The following GAB1 variants were observed in gnomAD, a reference collection of about 807,000 sequenced individuals.
The protein encoded by GAB1 is GRB2-associated-binding protein 1.
GAB1 carries 19 observed loss-of-function variants against 66.5 expected under a neutral mutation model. That is an observed-to-expected ratio of 0.29 (90% CI 0.20 to 0.42). The LOEUF is 0.42. GAB1 is among the 10% of genes least tolerant of loss of function. The pLI is 1.00. For missense variants in GAB1, 732 were observed against 858.5 expected (o/e 0.85, Z 1.84); for synonymous variants, 294 against 301.4 (o/e 0.98, Z 0.25).
At chr4:143,400,948 A>G (rs1731737061) in intron 1 of GAB1, among the ~76,000 whole-genome samples, 1 of 151,576 alleles carries the variant, frequency 6.6e-6, no homozygotes, top group Admixed American at 6.6e-5. Context: ...CAGCCTGGAC[A>G]ACAGAGCAAG....
At chr4:143,356,644 G>A (rs569152486) in intron 1 of GAB1, among the ~76,000 whole-genome samples, 6 of 152,282 alleles carry the variant, frequency 3.9e-5, no homozygotes, top group African/African-American at 1.2e-4. Flanking sequence ...TGTTTGGCAC[G>A]CCTGTTTTAA....
chr4:143,347,518 T>C (rs1192558193), intron 1 of GAB1, among the ~76,000 whole-genome samples: 1 of 152,252 alleles, frequency 6.6e-6, no homozygotes, highest in Non-Finnish European at 1.5e-5. Flanking sequence ...ACTTAACCAG[T>C]TGTTCTGTTG....
At chr4:143,401,493 G>A (rs1731771679) in intron 1 of GAB1, among the ~76,000 whole-genome samples, 1 of 152,162 alleles carries the variant, frequency 6.6e-6, no homozygotes, top group Admixed American at 6.5e-5. Flanking sequence ...ATGCTACAAT[G>A]TTTTGGGGAT....
chr4:143,425,445 T>C, intron 2 of GAB1: 3 of 759,832 alleles, frequency 3.9e-6, no homozygotes, highest in Non-Finnish European at 4.8e-6. Flanking sequence ...CAGCCTCTCA[T>C]AGAGAGAGGC....
chr4:143,468,290 C>T (rs1735905689), intron 9 of GAB1, among the ~76,000 whole-genome samples: 1 of 140,900 alleles, frequency 7.1e-6, no homozygotes, highest in Non-Finnish European at 1.5e-5. Flanking sequence ...TCTTGGCTCA[C>T]TGCAACCTCT....
At chr4:143,453,810 G>A (rs1475748753) in intron 6 of GAB1, among the ~76,000 whole-genome samples, 3 of 152,068 alleles carry the variant, frequency 2.0e-5, no homozygotes, top group Non-Finnish European at 4.4e-5. Flanking sequence ...GTGTGACTCT[G>A]GGCAAGTTAC....
At chr4:143,365,482 G>A (rs1343374609) in intron 1 of GAB1, among the ~76,000 whole-genome samples, 5 of 152,122 alleles carry the variant, frequency 3.3e-5, no homozygotes, top group Admixed American at 6.5e-5. Flanking sequence ...TGCTTGCTTG[G>A]TGAATGAGTG....
At position 143,448,124 on chromosome 4, in the gene GAB1, A is replaced by C. The variant is rs1734670559; in HGVS notation, c.1585+7742A>C. Among the ~76,000 whole-genome samples, 6 of 151,914 alleles carry C rather than the reference A, an allele frequency of 3.9e-5. No individual in the cohort carries two copies. In the South Asian group the frequency reaches 1.2e-3, roughly 31 times the overall value. On this transcript the variant is annotated intron_variant, in intron 6 of 9. Coordinates refer to ENST00000262994, the MANE Select transcript of GAB1 (RefSeq NM_002039.4). ...TTTGCATATATTGAACCAGCCTTGCATCCCAGGGATGAAGCCCACTTGATC... is the reference window on the plus strand; with the variant it reads ...TTTGCATATATTGAACCAGCCTTGCCTCCCAGGGATGAAGCCCACTTGATC...
chr4:143,459,323 A>T (rs1221816771), intron 6 of GAB1, 62 bp from the exon 7 acceptor site: 5 of 936,268 alleles, frequency 5.3e-6, no homozygotes, highest in Non-Finnish European at 8.7e-6. Flanking sequence ...ACAGAGAGAG[A>T]ATCTTGTTTG....
intron 1 of GAB1, among the ~76,000 whole-genome samples, chr4:143,362,122 A>G (rs189453751): frequency 2.4e-4 from 35 of 146,130 alleles, no homozygotes; most frequent in Admixed American, 2.3e-3. Context: ...TGGGTAACCT[A>G]AAAGAATCAC....
chr4:143,354,459 T>C (rs1176179872), intron 1 of GAB1, among the ~76,000 whole-genome samples: 2 of 152,180 alleles, frequency 1.3e-5, no homozygotes, highest in African/African-American at 2.4e-5. Context: ...AAATCACTTA[T>C]AAATTTTCAG....
intron 1 of GAB1, chr4:143,349,539 G>A (rs969658346): frequency 1.3e-4 from 195 of 1,510,710 alleles, no homozygotes; most frequent in Non-Finnish European, 1.6e-4. Flanking sequence ...GCACAGGTGC[G>A]GAGACGATGC....
intron 1 of GAB1, among the ~76,000 whole-genome samples, chr4:143,392,101 T>C (rs574777806): frequency 6.6e-6 from 1 of 152,350 alleles, no homozygotes; most frequent in African/African-American, 2.4e-5. Context: ...AACGGAGTGA[T>C]CTTAAAGAGG....
At chr4:143,403,324 C>A (rs966983037) in intron 1 of GAB1, among the ~76,000 whole-genome samples, 1 of 152,124 alleles carries the variant, frequency 6.6e-6, no homozygotes, top group African/African-American at 2.4e-5. Flanking sequence ...CAATACAAAT[C>A]CTTACAGCCG....
intron 2 of GAB1, chr4:143,425,821 A>G (rs994916575): frequency 8.9e-5 from 82 of 923,248 alleles, no homozygotes; most frequent in Non-Finnish European, 1.3e-4. Flanking sequence ...GTGCCTCTTC[A>G]GCAGTTCCCT....
intron 1 of GAB1, among the ~76,000 whole-genome samples, chr4:143,408,390 G>A (rs28925888): frequency 9.2e-5 from 14 of 152,152 alleles, no homozygotes; most frequent in African/African-American, 3.4e-4. Flanking sequence ...AGTTATCAGA[G>A]TTAACAACTT....
chr4:143,448,180 A>C (rs143709761), intron 6 of GAB1, among the ~76,000 whole-genome samples: 1 of 151,612 alleles, frequency 6.6e-6, no homozygotes, highest in South Asian at 2.1e-4. Context: ...TGTGCTGCTG[A>C]ATTCTGTTTG....
intron 2 of GAB1, among the ~76,000 whole-genome samples, chr4:143,422,757 A>T (rs1733092824): frequency 6.6e-6 from 1 of 152,228 alleles, no homozygotes; most frequent in East Asian, 1.9e-4. Flanking sequence ...AAGCTTGTTC[A>T]CTGAAAGGCT....
At chr4:143,455,755 G>C (rs1028452297) in intron 6 of GAB1, among the ~76,000 whole-genome samples, 4 of 152,102 alleles carry the variant, frequency 2.6e-5, no homozygotes, top group Non-Finnish European at 5.9e-5. Flanking sequence ...TTCTCTACTT[G>C]GTTTCCTTAG....
Sources: allele counts gnomAD v4.1 joint callset (sites outside exome capture counted in the v4.1 genomes callset), GRCh38; gene constraint gnomAD v4.1.1; transcripts MANE v1.5; gene names NCBI Gene and HGNC (gene_info 2026-07-23, HGNC 2026-07-21).